Variants in ACOX2 observed in about 807,000 individuals in gnomAD.
ACOX2 encodes the protein peroxisomal acyl-coenzyme A oxidase 2.
ACOX2 carries 59 observed loss-of-function variants against 77.5 expected under a neutral mutation model. The observed-to-expected ratio is 0.76, with a 90% CI of 0.62 to 0.95. ACOX2 has a LOEUF of 0.95. ACOX2 is among the 40% of genes least tolerant of loss of function. ACOX2 has a pLI of 0.00. For missense variants in ACOX2, 837 were observed against 880.4 expected (o/e 0.95, Z 0.62); for synonymous variants, 317 against 340.1 (o/e 0.93, Z 0.75).
chr3:58,517,023 C>A (rs2063325743), intron 13 of ACOX2, among the ~76,000 whole-genome samples, 183 bp downstream of exon 13: 2 of 151,984 alleles, frequency 1.3e-5, no homozygotes, highest in Admixed American at 1.3e-4. Context: ...CCCATTTTTT[C>A]CCATTTTTTT....
chr3:58,508,250 G>T (rs986409744), intron 14 of ACOX2, among the ~76,000 whole-genome samples: 1 of 152,082 alleles, frequency 6.6e-6, no homozygotes, highest in East Asian at 1.9e-4. Flanking sequence ...CCGTCTTCTC[G>T]CTGTTAATGA....
rs756048777 is a variant in ACOX2, at chr3:58,526,455, C to T, written c.1346+11G>A. On this transcript the variant is annotated intron_variant, in intron 10 of 14. Transcript: ENST00000302819. This position sits in a 1 kb window ranked among gnomAD's most constrained non-coding sequence, Gnocchi z 4.3. Reference sequence around the variant, plus strand: ...GGCTTGGGCAAAGGCCTGGGTCAGCCTGGACCTTACCTGGCCACCTGCAGG... The same window carrying T: ...GGCTTGGGCAAAGGCCTGGGTCAGCTTGGACCTTACCTGGCCACCTGCAGG... 28 of 1,607,218 alleles carry T rather than the reference C, an allele frequency of 1.7e-5. No individual in the cohort carries two copies. Among genetic ancestry groups the T allele is most frequent in the Middle Eastern group, 3.3e-4 (2 of 5,996 alleles).
rs375934590 is a variant in ACOX2, at chr3:58,531,833, G to A, written c.584-21C>T. ...TCCCACTGAGGGCAGAGAGAGTAGC[G>A]GCCCGTCACAGGAAGACCTGTGCAT... On this transcript the variant is annotated intron_variant, in intron 5 of 14. Coordinates refer to ENST00000302819, the MANE Select transcript of ACOX2 (RefSeq NM_003500.4). This position sits in a 1 kb window ranked among gnomAD's most constrained non-coding sequence, Gnocchi z 5.8. 2.8e-4 allele frequency: 452 copies of A among 1,607,478 alleles called. 1 individual carries two copies. Among genetic ancestry groups the A allele is most frequent in the Non-Finnish European group, 3.1e-4 (369 of 1,177,280 alleles).
At chr3:58,507,831 A>G (rs2063246011) in intron 14 of ACOX2, among the ~76,000 whole-genome samples, 1 of 152,224 alleles carries the variant, frequency 6.6e-6, no homozygotes, top group Non-Finnish European at 1.5e-5. Flanking sequence ...ACTTTAGATA[A>G]TCATGTTAAA....
At chr3:58,508,143 T>G (rs1489140688) in intron 14 of ACOX2, among the ~76,000 whole-genome samples, 3 of 152,202 alleles carry the variant, frequency 2.0e-5, no homozygotes, top group Admixed American at 6.5e-5. Flanking sequence ...CCTGTTAACA[T>G]ATTCATTGAC....
chr3:58,527,404 C>T (rs1457307613), intron 9 of ACOX2, among the ~76,000 whole-genome samples: 6 of 151,942 alleles, frequency 3.9e-5, no homozygotes, highest in Admixed American at 2.0e-4. Context: ...GGCGTGGTGG[C>T]GTGCACTTGT....
At chr3:58,518,390 C>T (rs1056334013) in intron 12 of ACOX2, among the ~76,000 whole-genome samples, 1 of 152,188 alleles carries the variant, frequency 6.6e-6, no homozygotes, top group Non-Finnish European at 1.5e-5. Context: ...CCGAAGACCC[C>T]CTCCTTCTCT....
At chr3:58,530,440 G>A in intron 8 of ACOX2, 26 bp downstream of exon 8, 4 of 1,609,324 alleles carry the variant, frequency 2.5e-6, no homozygotes, top group Non-Finnish European at 3.4e-6. Context: ...CATATCTGCG[G>A]TAGTCAGTCA....
In ACOX2 at chr3:58,506,477, G is replaced by A. The variant is rs114222950; in HGVS notation, c.1984-1191C>T. ...CTGTACTTTTATGTCTACAGGGTGT[G>A]TTTCAACATAGCTGCTGTTTTATTT... is the stretch of plus-strand genomic sequence containing the variant. On this transcript the variant is annotated intron_variant, in intron 14 of 14. Transcript: ENST00000302819. Among the ~76,000 whole-genome samples, 174 of 152,264 alleles carry A rather than the reference G, an allele frequency of 1.1e-3. 2 individuals are homozygous for A. The highest frequency in any genetic ancestry group is 3.7e-3 in the African/African-American group (155 of 41,548).
At chr3:58,520,569 T>G (rs2063351726) in intron 12 of ACOX2, among the ~76,000 whole-genome samples, 1 of 152,246 alleles carries the variant, frequency 6.6e-6, no homozygotes, top group South Asian at 2.1e-4. Flanking sequence ...TGGCTCCCCC[T>G]TGTCTACTCT....
rs551647647 is a variant in ACOX2 at position 58,524,851 on chromosome 3, T to G, written c.1347-246A>C. Among the ~76,000 whole-genome samples the G allele has an allele frequency of 1.3e-4, 20 of 152,362 alleles. No individual in the cohort carries two copies. Among genetic ancestry groups the G allele is most frequent in the African/African-American group, 4.3e-4 (18 of 41,576 alleles). On this transcript the variant is annotated intron_variant, in intron 10 of 14. Coordinates refer to ENST00000302819, the MANE Select transcript of ACOX2 (RefSeq NM_003500.4). The surrounding 1 kb of genome is among the most constrained non-coding windows in gnomAD (Gnocchi z 5.5). Reference sequence around the variant, plus strand: ...GCCAGACACTCTCTGATCCTGAACATAAACCCTTCTGTGATCTGAGCAAAC... The same window carrying G: ...GCCAGACACTCTCTGATCCTGAACAGAAACCCTTCTGTGATCTGAGCAAAC...
rs892153332 is a variant in ACOX2, at chr3:58,525,941, C to T, written c.1346+525G>A. Among the ~76,000 whole-genome samples the T allele has an allele frequency of 6.6e-6, 1 of 151,912 alleles. No homozygotes were observed. The highest frequency in any genetic ancestry group is 1.5e-5 in the Non-Finnish European group (1 of 67,996). On this transcript the variant is annotated intron_variant, in intron 10 of 14. Transcript: ENST00000302819. The surrounding 1 kb of genome is among the most constrained non-coding windows in gnomAD (Gnocchi z 5.0). ...CTAAGGCAGGAGAATTGCTTGAACC[C>T]GGCGGGCAGAGGTTGCAGTGAGCCG...
At chr3:58,536,282 G>A (rs1412691766) in intron 1 of ACOX2, among the ~76,000 whole-genome samples, 2 of 152,146 alleles carry the variant, frequency 1.3e-5, no homozygotes, top group East Asian at 3.9e-4. Flanking sequence ...CAAGGCCTGG[G>A]AGGCCAGCTC....
chr3:58,530,664 G>A (rs775197370), intron 7 of ACOX2, 26 bp from the exon 8 acceptor site: 8 of 1,605,398 alleles, frequency 5.0e-6, no homozygotes, highest in African/African-American at 4.0e-5. Flanking sequence ...ACGGGCACAA[G>A]TTCTGGGCCA....
intron 13 of ACOX2, among the ~76,000 whole-genome samples, chr3:58,510,021 C>G (rs1221225418): frequency 1.3e-5 from 2 of 152,064 alleles, no homozygotes; most frequent in African/African-American, 2.4e-5. Context: ...AATCTTCATT[C>G]AAAAGGTAAA....
At position 58,517,413 on chromosome 3, in the gene ACOX2, T is replaced by C. The variant is rs1244926308; in HGVS notation, c.1643A>G (p.Tyr548Cys). The C allele has an allele frequency of 6.2e-7, 1 of 1,614,016 alleles. No homozygotes were observed. The highest frequency in any genetic ancestry group is 1.7e-5 in the Admixed American group (1 of 60,018). Reference protein sequence around the residue: ...IHLQAAKVHCYYVTVKGFTEA... With the variant: ...IHLQAAKVHCCYVTVKGFTEA... ...TGTAAAACCCTTCACAGTGACATAG[T>C]AGCAGTGCACCTACAAAGACACAAA... Residue 548 changes from tyrosine (Y) to cysteine (C), a missense_variant, in exon 13 of 15, where the codon TAC becomes TGC. Transcript: ENST00000302819.
At chr3:58,517,079 G>A (rs188838691) in intron 13 of ACOX2, 127 bp downstream of exon 13, 3 of 904,548 alleles carry the variant, frequency 3.3e-6, no homozygotes, top group African/African-American at 1.7e-5. Context: ...TGATAATAGG[G>A]TGTAGACCTC....
rs1456897925 is a variant in ACOX2 at position 58,519,181 on chromosome 3, C to T, written c.1633-1758G>A. ...GGCGGACCACTTGAGGTCAGGAGTTCGAGACCAGCCTGGCCAACATGGCAA... is the reference window on the plus strand; with the variant it reads ...GGCGGACCACTTGAGGTCAGGAGTTTGAGACCAGCCTGGCCAACATGGCAA... On this transcript the variant is annotated intron_variant, in intron 12 of 14. Transcript: ENST00000302819. This position sits in a 1 kb window ranked among gnomAD's most constrained non-coding sequence, Gnocchi z 5.0. Among the ~76,000 whole-genome samples, 2 of 151,818 alleles carry T rather than the reference C, an allele frequency of 1.3e-5. No homozygotes were observed. The highest frequency in any genetic ancestry group is 4.8e-5 in the African/African-American group (2 of 41,328).
intron 14 of ACOX2, among the ~76,000 whole-genome samples, chr3:58,508,183 A>C (rs570921921): frequency 8.5e-5 from 13 of 152,334 alleles, no homozygotes; most frequent in African/African-American, 3.1e-4. Flanking sequence ...GAGGCTCATA[A>C]GCATAGAGCT....
Sources: allele counts gnomAD v4.1 joint callset (sites outside exome capture counted in the v4.1 genomes callset), GRCh38; gene constraint gnomAD v4.1.1; non-coding constraint Gnocchi (gnomAD v3.1); transcripts MANE v1.5; gene names NCBI Gene and HGNC (gene_info 2026-07-23, HGNC 2026-07-21).